The following SHANK1 variants were observed in gnomAD, a reference collection of about 807,000 sequenced individuals.
SHANK1 encodes SH3 and multiple ankyrin repeat domains protein 1.
A neutral mutation model predicts 165.6 loss-of-function variants in SHANK1; 35 were observed. The observed-to-expected ratio is 0.21, with a 90% CI of 0.16 to 0.28. SHANK1 has a LOEUF of 0.28. SHANK1 is among the 10% of genes least tolerant of loss of function. The probability of loss-of-function intolerance (pLI) is 1.00; values close to 1 mark genes in which losing one functional copy is unlikely to be tolerated. For synonymous variants in SHANK1, 1,428 were observed against 1,384.8 expected, an observed-to-expected ratio of 1.03 and a Z score of -0.69; for missense variants, 2,681 against 3,036.4, an observed-to-expected ratio of 0.88 and a Z score of 2.75.
chr19:50,689,180 C>G lies in SHANK1; in HGVS notation c.2047+17G>C, dbSNP rs761820249. 6.3e-7 allele frequency: 1 copy of G among 1,595,304 alleles called. No homozygotes were observed. Among genetic ancestry groups the G allele is most frequent in the Non-Finnish European group, 8.6e-7 (1 of 1,163,970 alleles). On this transcript the variant is annotated intron_variant, in intron 16 of 23. Transcript: ENST00000293441. ...TCACAGAGCCCTTCTCCCATCCCCT[C>G]CCCGGCTGGCACTCACCCTTGGCCC...
intron 6 of SHANK1, among the ~76,000 whole-genome samples, chr19:50,712,954 C>T (rs1440323482): frequency 3.3e-5 from 5 of 151,982 alleles, no homozygotes; most frequent in Admixed American, 6.6e-5. Flanking sequence ...CTGGGAGGGG[C>T]GTGTGTGAGC....
chr19:50,661,804 G>T lies in SHANK1; in HGVS notation c.*161C>A. 1.4e-6 allele frequency: 1 copy of T among 720,306 alleles called. No homozygotes were observed. Among genetic ancestry groups the T allele is most frequent in the Non-Finnish European group, 2.3e-6 (1 of 433,064 alleles). The allele number at this position is 720,306 out of a possible 1,614,324, so 44.6% of individuals were successfully genotyped here. The stretch of plus-strand genomic sequence containing the variant: ...CAGTGAGGTGCAAATGTCCGGCCTG[G>T]ATTGGGCCACCTGGTGACCTCTGGC... On this transcript the variant is annotated 3_prime_UTR_variant, in exon 24 of 24. Transcript: ENST00000293441.
At chr19:50,672,555 C>CAAAAAAA (rs3987747) in intron 21 of SHANK1, among the ~76,000 whole-genome samples, 415 of 35,426 alleles carry the variant, frequency 0.012, 60 homozygotes, top group African/African-American at 0.043. Flanking sequence ...GACTCTGTCT[C>CAAAAAAA]AAAAAAAAAA....
intron 8 of SHANK1, among the ~76,000 whole-genome samples, chr19:50,707,926 CTTTTCTTTTCTTTTCTTTTCTTTTCTT>C (rs2088963752): frequency 1.1e-5 from 1 of 87,988 alleles, no homozygotes; most frequent in African/African-American, 5.0e-5. Context: ...CTTTTCTTTT[CTTTTCTTTTCTTTTCTTTTCTTTTCTT>C]TTCTTTTCTT....
Position 50,662,318 on chromosome 19 carries a change from C to T in SHANK1, c.6133G>A (p.Gly2045Ser), listed in dbSNP as rs778689374. The change falls in exon 24 of 24, where the codon GGC becomes AGC. Residue 2045 changes from glycine (G) to serine (S), a missense_variant. Coordinates refer to ENST00000293441, the MANE Select transcript of SHANK1 (RefSeq NM_016148.5). This position sits in a 1 kb window ranked among gnomAD's most constrained non-coding sequence, Gnocchi z 7.7. ...ACTGGGGCGAAGGGGTCAGCCGAGC[C>T]TCCTGCCCCTCCAGTTGGGGAGCCA... ...IRGSPTGGAG[G>S]SADPFAPVFV... The T allele has an allele frequency of 1.2e-5, 19 of 1,607,334 alleles. No homozygotes were observed. The highest frequency in any genetic ancestry group is 1.4e-5 in the Non-Finnish European group (17 of 1,175,928).
intron 21 of SHANK1, among the ~76,000 whole-genome samples, chr19:50,673,308 C>T (rs1449989752): frequency 1.3e-5 from 2 of 152,078 alleles, no homozygotes; most frequent in African/African-American, 2.4e-5. Context: ...GAAGCCCACA[C>T]GAAGACAGGT....
At chr19:50,699,703 G>A (rs1986845552) in intron 12 of SHANK1, among the ~76,000 whole-genome samples, 1 of 151,824 alleles carries the variant, frequency 6.6e-6, no homozygotes, top group South Asian at 2.1e-4. Flanking sequence ...GGGCATTGGA[G>A]GAATGGAGGG....
rs1473777390 is a variant in SHANK1 at position 50,686,221 on chromosome 19, A to G, written c.2577+16T>C. On this transcript the variant is annotated intron_variant, in intron 21 of 23. Coordinates refer to ENST00000293441, the MANE Select transcript of SHANK1 (RefSeq NM_016148.5). The surrounding 1 kb of genome is among the most constrained non-coding windows in gnomAD (Gnocchi z 5.7). ...GCCTCCCCCCTGGCAGTTCCTCCCCACACCAGGCCGCCTACCTCAGTGGCA... is the reference window on the plus strand; with the variant it reads ...GCCTCCCCCCTGGCAGTTCCTCCCCGCACCAGGCCGCCTACCTCAGTGGCA... 6.5e-7 allele frequency: 1 copy of G among 1,529,316 alleles called. No homozygotes were observed. The highest frequency in any genetic ancestry group is 2.3e-5 in the East Asian group (1 of 43,394). 94.7% of individuals were successfully genotyped at this position (1,529,316 alleles called of 1,614,324 possible). A position where few individuals can be genotyped will look rare whatever the true frequency, so the allele number is the denominator to read the frequency against.
In SHANK1 at chr19:50,718,037, C is replaced by T. The variant is rs557605429; in HGVS notation, c.-43-1075G>A. On this transcript the variant is annotated intron_variant, in intron 1 of 23. Coordinates refer to ENST00000293441, the MANE Select transcript of SHANK1 (RefSeq NM_016148.5). This position sits in a 1 kb window ranked among gnomAD's most constrained non-coding sequence, Gnocchi z 5.1. ...AACCAGAATGTCTGGTCTGGTCCCT[C>T]CCCCCAACACCAGGCCCGGTTCCTG... Among the ~76,000 whole-genome samples, 16 of 152,228 alleles carry T rather than the reference C, an allele frequency of 1.1e-4. No homozygotes were observed. In the South Asian group the frequency reaches 3.1e-3, roughly 30 times the overall value.
At position 50,675,176 on chromosome 19, in the gene SHANK1, A is replaced by G. The variant is rs534816411; in HGVS notation, c.2578-3062T>C. Among the ~76,000 whole-genome samples, 179 of 152,148 alleles carry G rather than the reference A, an allele frequency of 1.2e-3. 1 individual carries two copies. Among genetic ancestry groups the G allele is most frequent in the African/African-American group, 3.2e-3 (134 of 41,516 alleles). ...CCTGAGTGCAAGAGTTCAAGGCTTCATTGAGCTATGATTGTGCCACTGCAC... is the reference window on the plus strand; with the variant it reads ...CCTGAGTGCAAGAGTTCAAGGCTTCGTTGAGCTATGATTGTGCCACTGCAC... On this transcript the variant is annotated intron_variant, in intron 21 of 23. Coordinates refer to ENST00000293441, the MANE Select transcript of SHANK1 (RefSeq NM_016148.5).
intron 21 of SHANK1, among the ~76,000 whole-genome samples, chr19:50,678,345 A>G (rs1359419891): frequency 7.2e-5 from 11 of 152,002 alleles, no homozygotes; most frequent in Non-Finnish European, 1.5e-4. Context: ...CAGCAAGAAC[A>G]GAGTCCAGGC....
chr19:50,704,608 A>C, intron 8 of SHANK1, 94 bp from the exon 9 acceptor site: 1 of 1,110,900 alleles, frequency 9.0e-7, no homozygotes, highest in Non-Finnish European at 1.4e-6. Context: ...GAGCCTCAGG[A>C]ATAAATACTC....
rs1275591814 is a variant in SHANK1 at position 50,662,877 on chromosome 19, G to A, written c.5769-195C>T. Among the ~76,000 whole-genome samples, 1 of 151,776 alleles carries A rather than the reference G, an allele frequency of 6.6e-6. No homozygotes were observed. The highest frequency in any genetic ancestry group is 2.4e-5 in the African/African-American group (1 of 41,242). On this transcript the variant is annotated intron_variant, in intron 23 of 23. Transcript: ENST00000293441. The surrounding 1 kb of genome is among the most constrained non-coding windows in gnomAD (Gnocchi z 7.7). ...CCGGCCGTCGAGGAAAGAAATGAAG[G>A]GAGAGAAAGATGAGAGGACAGGGAG...
chr19:50,662,510 G>A lies in SHANK1; in HGVS notation c.5941C>T (p.Arg1981Cys), dbSNP rs759040809. ...PSASSSSTST[R>C]HLQGVEFEMR... is the part of the protein sequence containing the mutation. Reference sequence around the variant, plus strand: ...TCGAACTCCACGCCCTGGAGGTGGCGGGTGGACGTGGAGGAGGAGGAGGCT... The same window carrying A: ...TCGAACTCCACGCCCTGGAGGTGGCAGGTGGACGTGGAGGAGGAGGAGGCT... Residue 1981 changes from arginine to cysteine, a missense_variant, in exon 24 of 24, where the codon CGC (arginine) becomes TGC (cysteine). Arg to Cys is a radical substitution (Grantham distance 180). Around this residue, in one of 10 missense-constraint regions of SHANK1, gnomAD observed 1,713 missense variants for 1,630.2 expected, o/e 1.05. Coordinates refer to ENST00000293441, the MANE Select transcript of SHANK1 (RefSeq NM_016148.5). This position sits in a 1 kb window ranked among gnomAD's most constrained non-coding sequence, Gnocchi z 7.7. The A allele has an allele frequency of 9.0e-5, 141 of 1,558,404 alleles. No homozygotes were observed. Among genetic ancestry groups the A allele is most frequent in the Non-Finnish European group, 1.1e-4 (123 of 1,151,300 alleles).
intron 12 of SHANK1, among the ~76,000 whole-genome samples, chr19:50,701,818 C>A (rs1986924350): frequency 6.6e-6 from 1 of 152,208 alleles, no homozygotes; most frequent in South Asian, 2.1e-4. Flanking sequence ...AACACGTCAG[C>A]AGCCCTGCAA....
chr19:50,709,381 T>C (rs1453324387), intron 8 of SHANK1, among the ~76,000 whole-genome samples: 1 of 152,022 alleles, frequency 6.6e-6, no homozygotes, highest in African/African-American at 2.4e-5. Context: ...GACCTAGTGA[T>C]CCGCCCGCCT....
chr19:50,694,138 C>A (rs1486700698), intron 15 of SHANK1, among the ~76,000 whole-genome samples: 1 of 151,880 alleles, frequency 6.6e-6, no homozygotes, highest in Non-Finnish European at 1.5e-5. Flanking sequence ...CAGATGGACA[C>A]AGTTGGGGGG....
At chr19:50,694,731 C>G (rs1315084379) in intron 15 of SHANK1, among the ~76,000 whole-genome samples, 1 of 141,372 alleles carries the variant, frequency 7.1e-6, no homozygotes, top group African/African-American at 2.7e-5. Context: ...ACCAGGGGCC[C>G]GAAAGGGATT....
At position 50,669,261 on chromosome 19, in the gene SHANK1, T is replaced by A; in HGVS notation, c.2699A>T (p.Tyr900Phe). The change falls in exon 23 of 24, where the codon TAC becomes TTC. Residue 900 changes from tyrosine to phenylalanine, a missense_variant. Transcript: ENST00000293441. Reference protein sequence around the residue: ...SIGAAEDDRPYLAPPAMKFSR... With the variant: ...SIGAAEDDRPFLAPPAMKFSR... ...GAATTTCATGGCTGGGGGTGCTAGG[T>A]AAGGTCTGTCATCTTCTGCCGCACC... 6.2e-7 allele frequency: 1 copy of A among 1,609,676 alleles called. No homozygotes were observed. The highest frequency in any genetic ancestry group is 8.5e-7 in the Non-Finnish European group (1 of 1,178,226).
Sources: allele counts gnomAD v4.1 joint callset (sites outside exome capture counted in the v4.1 genomes callset), GRCh38; gene constraint gnomAD v4.1.1; regional missense constraint gnomAD v4.1.1; non-coding constraint Gnocchi (gnomAD v3.1); transcripts MANE v1.5; gene names NCBI Gene and HGNC (gene_info 2026-07-23, HGNC 2026-07-21).